Variants in TENM4 observed in about 807,000 individuals in gnomAD.
The protein encoded by TENM4 is teneurin-4.
Under a neutral mutation model 243.3 loss-of-function variants are expected in TENM4, and 82 were observed. The observed-to-expected ratio is 0.34, with a 90% CI of 0.28 to 0.40. The LOEUF (loss-of-function observed/expected upper bound fraction) is 0.40, where lower values mean the gene tolerates loss of function less well. Ranked by LOEUF, TENM4 falls within the 10% of genes least tolerant of loss-of-function variation. The probability of loss-of-function intolerance (pLI) is 1.00; values close to 1 mark genes in which losing one functional copy is unlikely to be tolerated. For synonymous variants in TENM4, 1,412 were observed against 1,456.3 expected, an observed-to-expected ratio of 0.97 and a Z score of 0.69; for missense variants, 3,138 against 3,673.3, an observed-to-expected ratio of 0.85 and a Z score of 3.77.
At chr11:78,735,374 G>C (rs993951904) in intron 20 of TENM4, among the ~76,000 whole-genome samples, 1 of 152,252 alleles carries the variant, frequency 6.6e-6, no homozygotes, top group Non-Finnish European at 1.5e-5. Context: ...GAACTGAATA[G>C]CATCTGTGCC....
chr11:79,395,701 C>G (rs757138856), intron 1 of TENM4, among the ~76,000 whole-genome samples: 2 of 152,186 alleles, frequency 1.3e-5, no homozygotes, highest in Admixed American at 6.5e-5. Flanking sequence ...TGGACATTTA[C>G]TGCCCACTCC....
chr11:78,827,809 C>A (rs1402897895), intron 12 of TENM4, among the ~76,000 whole-genome samples: 1 of 152,168 alleles, frequency 6.6e-6, no homozygotes, highest in East Asian at 1.9e-4. Flanking sequence ...TTAAATATTA[C>A]CTCTTTCGTG....
intron 1 of TENM4, among the ~76,000 whole-genome samples, chr11:79,359,546 A>G (rs1225866183): frequency 6.6e-6 from 1 of 152,186 alleles, no homozygotes; most frequent in East Asian, 1.9e-4. Context: ...AGTCACTTCT[A>G]GTTTTGCATA....
At position 79,317,406 on chromosome 11, in the gene TENM4, G is replaced by A. The variant is rs541961454; in HGVS notation, c.-320-19863C>T. On this transcript the variant is annotated intron_variant, in intron 1 of 33. Transcript: ENST00000278550. Reference sequence around the variant, plus strand: ...TTTTCTGGGAAGGGGGGGTCAGGGCGCAGACAGGCTATCTAATTTTTAGGG... The same window carrying A: ...TTTTCTGGGAAGGGGGGGTCAGGGCACAGACAGGCTATCTAATTTTTAGGG... 1.8e-3 allele frequency among the ~76,000 whole-genome samples: 277 copies of A among 152,256 alleles called. 1 individual carries two copies. Among genetic ancestry groups the A allele is most frequent in the Non-Finnish European group, 3.3e-3 (223 of 68,016 alleles).
intron 16 of TENM4, among the ~76,000 whole-genome samples, chr11:78,783,988 G>A (rs1013665120): frequency 6.6e-6 from 1 of 152,090 alleles, no homozygotes; most frequent in South Asian, 2.1e-4. Context: ...TCCTGTTTAC[G>A]CAGGTCGGCA....
intron 6 of TENM4, among the ~76,000 whole-genome samples, chr11:78,984,784 T>C (rs1043942442): frequency 1.3e-5 from 2 of 152,068 alleles, no homozygotes; most frequent in Non-Finnish European, 2.9e-5. Context: ...ATTTTAACTA[T>C]AAATTTTAAT....
Position 79,438,691 on chromosome 11 carries a change from C to T in TENM4, c.-321+1818G>A, listed in dbSNP as rs1228196351. Among the ~76,000 whole-genome samples, 7 of 152,308 alleles carry T rather than the reference C, an allele frequency of 4.6e-5. No homozygotes were observed. The highest frequency in any genetic ancestry group is 1.9e-4 in the East Asian group (1 of 5,174). ...AGAGGGGCTTTGGGGCTCCCCAGGACACCAAGTCAGTTTCTGAAAACGGCG... is the reference window on the plus strand; with the variant it reads ...AGAGGGGCTTTGGGGCTCCCCAGGATACCAAGTCAGTTTCTGAAAACGGCG... On this transcript the variant is annotated intron_variant, in intron 1 of 33. Transcript: ENST00000278550. The surrounding 1 kb of genome is among the most constrained non-coding windows in gnomAD (Gnocchi z 4.1).
intron 6 of TENM4, among the ~76,000 whole-genome samples, chr11:78,950,496 G>A (rs771758550): frequency 9.2e-5 from 14 of 152,170 alleles, no homozygotes; most frequent in Non-Finnish European, 1.9e-4. Flanking sequence ...GAGGCAGTCT[G>A]GTGGGAGTGA....
intron 18 of TENM4, among the ~76,000 whole-genome samples, chr11:78,763,582 C>A (rs1856478255): frequency 1.3e-5 from 2 of 152,224 alleles, no homozygotes; most frequent in Non-Finnish European, 2.9e-5. Flanking sequence ...ACTGAGATCC[C>A]TCTTTGATGC....
chr11:79,203,858 GA>G (rs1225763561), intron 3 of TENM4, among the ~76,000 whole-genome samples: 4 of 152,186 alleles, frequency 2.6e-5, no homozygotes, highest in African/African-American at 9.6e-5. Context: ...ACATGAAAAT[GA>G]AATTGTGGAA....
intron 6 of TENM4, among the ~76,000 whole-genome samples, chr11:79,002,276 A>T (rs1245042192): frequency 6.6e-6 from 1 of 151,960 alleles, no homozygotes; most frequent in Non-Finnish European, 1.5e-5. Context: ...GTTGGGGTTC[A>T]CTCCTGTGAG....
intron 6 of TENM4, among the ~76,000 whole-genome samples, chr11:78,973,554 C>CT (rs1857588909): frequency 1.3e-5 from 2 of 152,156 alleles, no homozygotes; most frequent in South Asian, 4.2e-4. Flanking sequence ...GTAAGTACTG[C>CT]TTTTTTTCCC....
At chr11:79,100,003 G>A (rs1861183998) in intron 4 of TENM4, among the ~76,000 whole-genome samples, 1 of 152,212 alleles carries the variant, frequency 6.6e-6, no homozygotes, top group African/African-American at 2.4e-5. Flanking sequence ...GTCTGGTTGA[G>A]CACTTTCACG....
At chr11:79,137,229 T>G (rs576066345) in intron 4 of TENM4, among the ~76,000 whole-genome samples, 1 of 152,308 alleles carries the variant, frequency 6.6e-6, no homozygotes, top group East Asian at 1.9e-4. Flanking sequence ...TTTGAGCTCC[T>G]TCCACCTTTA....
At chr11:78,780,531 C>T (rs1165444589) in intron 16 of TENM4, among the ~76,000 whole-genome samples, 1 of 152,010 alleles carries the variant, frequency 6.6e-6, no homozygotes, top group Non-Finnish European at 1.5e-5. Flanking sequence ...GATGAGATGC[C>T]ATCACTGGGA....
At chr11:79,236,297 G>C (rs781183873) in intron 2 of TENM4, among the ~76,000 whole-genome samples, 10 of 152,210 alleles carry the variant, frequency 6.6e-5, no homozygotes, top group South Asian at 2.1e-4. Context: ...GCCTGTTTGA[G>C]ACATTCCTGC....
At chr11:78,979,800 C>T (rs943943264) in intron 6 of TENM4, among the ~76,000 whole-genome samples, 18 of 152,142 alleles carry the variant, frequency 1.2e-4, no homozygotes, top group African/African-American at 4.1e-4. Flanking sequence ...GGGTCTGTCC[C>T]GACTCCCTGG....
intron 12 of TENM4, among the ~76,000 whole-genome samples, chr11:78,836,880 C>T (rs572265506): frequency 1.3e-5 from 2 of 152,286 alleles, no homozygotes; most frequent in East Asian, 3.9e-4. Flanking sequence ...TATTTATATG[C>T]ATACAGGTGT....
At chr11:78,911,787 GATTTC>G (rs1565122447) in intron 6 of TENM4, among the ~76,000 whole-genome samples, 3 of 152,174 alleles carry the variant, frequency 2.0e-5, no homozygotes, top group Admixed American at 6.5e-5. Context: ...CTGGACTTTG[GATTTC>G]CTAGCTTCCA....
Sources: allele counts gnomAD v4.1 joint callset (sites outside exome capture counted in the v4.1 genomes callset), GRCh38; gene constraint gnomAD v4.1.1; non-coding constraint Gnocchi (gnomAD v3.1); transcripts MANE v1.5; gene names NCBI Gene and HGNC (gene_info 2026-07-23, HGNC 2026-07-21).